NTNG1: variants seen among roughly 807,000 people sequenced by gnomAD.
NTNG1 encodes netrin G1, also known as netrin-G1.
NTNG1 carries 16 observed loss-of-function variants against 54.0 expected under a neutral mutation model. The ratio of observed to expected loss-of-function variants is 0.30; its 90% CI spans 0.20 to 0.45. The LOEUF is 0.45. Ranked by LOEUF, NTNG1 falls within the 20% of genes least tolerant of loss-of-function variation. The pLI, the probability that NTNG1 is intolerant of heterozygous loss-of-function variation, is 1.00. For synonymous variants in NTNG1, 255 were observed against 263.1 expected, an observed-to-expected ratio of 0.97 and a Z score of 0.30; for missense variants, 530 against 678.7, an observed-to-expected ratio of 0.78 and a Z score of 2.43.
At chr1:107,337,134 C>T (rs1049197820) in intron 3 of NTNG1, among the ~76,000 whole-genome samples, 4 of 151,926 alleles carry the variant, frequency 2.6e-5, no homozygotes, top group Non-Finnish European at 4.4e-5. Context: ...GAAGTTAAAG[C>T]GGAAGCTTGA....
At chr1:107,351,298 TA>T (rs1669583843) in intron 3 of NTNG1, among the ~76,000 whole-genome samples, 1 of 152,196 alleles carries the variant, frequency 6.6e-6, no homozygotes, top group Non-Finnish European at 1.5e-5. Context: ...CTCACTGCTA[TA>T]AAGAAATACC....
intron 7 of NTNG1, among the ~76,000 whole-genome samples, chr1:107,442,716 C>A (rs1323368887): frequency 6.6e-6 from 1 of 152,072 alleles, no homozygotes; most frequent in African/African-American, 2.4e-5. Flanking sequence ...CCTGAGCAGC[C>A]CACATCAAGG....
chr1:107,334,035 A>G (rs1668435578), intron 3 of NTNG1: 1 of 152,030 alleles, frequency 6.6e-6, no homozygotes, highest in Non-Finnish European at 1.5e-5. Context: ...GTAGATAAAT[A>G]GAGATGCTAA....
intron 3 of NTNG1, among the ~76,000 whole-genome samples, chr1:107,390,243 G>C (rs914418262): frequency 1.3e-5 from 2 of 152,172 alleles, no homozygotes; most frequent in Non-Finnish European, 2.9e-5. Flanking sequence ...AGCTTCACCA[G>C]ATGTGAAGTT....
chr1:107,296,017 A>G (rs1665923425), intron 2 of NTNG1, among the ~76,000 whole-genome samples: 1 of 151,942 alleles, frequency 6.6e-6, no homozygotes, highest in South Asian at 2.1e-4. Context: ...GTCTCTTTTA[A>G]ATAAGTGGTT....
chr1:107,412,146 A>G (rs1016016052), intron 5 of NTNG1, among the ~76,000 whole-genome samples: 1 of 151,088 alleles, frequency 6.6e-6, no homozygotes, highest in African/African-American at 2.4e-5. Context: ...TTTGCCAGTT[A>G]TCTCTGTGGG....
chr1:107,146,208 C>A lies in NTNG1; in HGVS notation c.-525-1861C>A, dbSNP rs1426814976. Among the ~76,000 whole-genome samples, 3 of 152,022 alleles carry A rather than the reference C, an allele frequency of 2.0e-5. No homozygotes were observed. In the East Asian group the frequency reaches 5.8e-4, roughly 29 times the overall value. ...TCCGGGTCTTCAAGATTATATCATT[C>A]TTGATAAATAAATTACTGTGTATTT... On this transcript the variant is annotated intron_variant, in intron 1 of 7. Coordinates refer to ENST00000370068, the MANE Select transcript of NTNG1 (RefSeq NM_001113226.3).
At chr1:107,435,176 G>GT (rs1305221890) in intron 6 of NTNG1, among the ~76,000 whole-genome samples, 4 of 150,782 alleles carry the variant, frequency 2.7e-5, no homozygotes, top group Non-Finnish European at 3.0e-5. Flanking sequence ...ACTTTAAACA[G>GT]TAAAAAAAAA....
chr1:107,305,481 T>C (rs889971161), intron 2 of NTNG1, among the ~76,000 whole-genome samples: 1 of 152,242 alleles, frequency 6.6e-6, no homozygotes, highest in African/African-American at 2.4e-5. Context: ...ATTTCTCTAA[T>C]GACCAGTGAT....
chr1:107,440,552 T>C (rs1675902021), intron 7 of NTNG1, among the ~76,000 whole-genome samples: 1 of 152,306 alleles, frequency 6.6e-6, no homozygotes, highest in Admixed American at 6.5e-5. Flanking sequence ...ACATAGTAAG[T>C]GCTCAATTAT....
chr1:107,298,304 G>A (rs530602310), intron 2 of NTNG1, among the ~76,000 whole-genome samples: 27 of 151,860 alleles, frequency 1.8e-4, no homozygotes, highest in African/African-American at 5.6e-4. Context: ...ATGTCTCAGA[G>A]CAGGAAAGTC....
chr1:107,234,340 C>T (rs1661265079), intron 2 of NTNG1, among the ~76,000 whole-genome samples: 1 of 152,122 alleles, frequency 6.6e-6, no homozygotes, highest in Non-Finnish European at 1.5e-5. Flanking sequence ...CCAAGCTGGT[C>T]TTTAACTCCT....
At chr1:107,356,044 C>T (rs1020485680) in intron 3 of NTNG1, among the ~76,000 whole-genome samples, 10 of 152,124 alleles carry the variant, frequency 6.6e-5, no homozygotes, top group African/African-American at 2.4e-4. Context: ...AAAATGTATT[C>T]ACTATGAAAG....
intron 7 of NTNG1, among the ~76,000 whole-genome samples, chr1:107,449,292 A>G (rs1310682153): frequency 6.6e-6 from 1 of 152,032 alleles, no homozygotes; most frequent in Non-Finnish European, 1.5e-5. Flanking sequence ...TTGAAATGAA[A>G]TAGTAATCGC....
At chr1:107,340,660 A>G (rs557267503) in intron 3 of NTNG1, among the ~76,000 whole-genome samples, 31 of 152,212 alleles carry the variant, frequency 2.0e-4, no homozygotes, top group African/African-American at 7.2e-4. Flanking sequence ...TACACACCAC[A>G]GGTAAGTTTT....
Position 107,430,830 on chromosome 1 carries a change from A to C in NTNG1, c.1168A>C (p.Asn390His). 1.2e-6 allele frequency: 2 copies of C among 1,613,352 alleles called. No individual in the cohort carries two copies. The highest frequency in any genetic ancestry group is 2.2e-5 in the East Asian group (1 of 44,756). Residue 390 changes from asparagine (N) to histidine (H), a missense_variant, in exon 6 of 8, where the codon AAC becomes CAC. Asn to His is a moderately conservative substitution (Grantham distance 68). Transcript: ENST00000370068. ...NTVICVSCKHNTRGQHCELCR... is the reference protein window; with the variant it reads ...NTVICVSCKHHTRGQHCELCR... ...AGTCATTTGCGTGAGCTGTAAACAC[A>C]ACACTAGAGGGCAGCACTGTGAGTT...
intron 3 of NTNG1, among the ~76,000 whole-genome samples, chr1:107,325,253 T>A (rs1306233981): frequency 6.6e-6 from 1 of 152,058 alleles, no homozygotes; most frequent in African/African-American, 2.4e-5. Context: ...TATAACGAAC[T>A]GAAAAACTAG....
chr1:107,396,876 C>G (rs1672717623), intron 4 of NTNG1, among the ~76,000 whole-genome samples: 1 of 152,166 alleles, frequency 6.6e-6, no homozygotes, highest in Non-Finnish European at 1.5e-5. Flanking sequence ...GGAGAGGCAG[C>G]AGGGGAAGGC....
intron 2 of NTNG1, among the ~76,000 whole-genome samples, chr1:107,259,599 A>C (rs56257723): frequency 0.086 from 13,033 of 152,204 alleles, 659 homozygotes; most frequent in Middle Eastern, 0.12. Flanking sequence ...TCTTCTCTTT[A>C]ATTTTCCTTC....
Sources: allele counts gnomAD v4.1 joint callset (sites outside exome capture counted in the v4.1 genomes callset), GRCh38; gene constraint gnomAD v4.1.1; transcripts MANE v1.5; gene names NCBI Gene and HGNC (gene_info 2026-07-23, HGNC 2026-07-21).